ST6GALNAC5: variants seen among roughly 807,000 people sequenced by gnomAD.
The protein encoded by ST6GALNAC5 is alpha-N-acetylgalactosaminide alpha-2,6-sialyltransferase 5.
A neutral mutation model predicts 33.6 loss-of-function variants in ST6GALNAC5; 27 were observed. That is an observed-to-expected ratio of 0.80 (90% confidence interval 0.59 to 1.11). ST6GALNAC5 has a LOEUF of 1.11. Among genes scored for constraint, ST6GALNAC5 ranks in the 50% least tolerant of loss-of-function variants. The pLI, the probability that ST6GALNAC5 is intolerant of heterozygous loss-of-function variation, is 0.00. For missense variants in ST6GALNAC5, 428 were observed against 454.0 expected (o/e 0.94, Z 0.52); for synonymous variants, 194 against 171.2 (o/e 1.13, Z -1.04).
At chr1:76,965,964 A>G (rs1044504279) in intron 2 of ST6GALNAC5, among the ~76,000 whole-genome samples, 1 of 152,124 alleles carries the variant, frequency 6.6e-6, no homozygotes, top group Non-Finnish European at 1.5e-5. Flanking sequence ...CCATTGGTCT[A>G]TATATCTGTT....
At chr1:76,945,296 T>A (rs1247560466) in intron 2 of ST6GALNAC5, among the ~76,000 whole-genome samples, 4 of 148,968 alleles carry the variant, frequency 2.7e-5, no homozygotes, top group African/African-American at 9.8e-5. Flanking sequence ...TTAAAAAGGC[T>A]GTGTCAAAAT....
chr1:76,944,102 C>T (rs74416057), intron 2 of ST6GALNAC5, among the ~76,000 whole-genome samples: 2,818 of 152,024 alleles, frequency 0.019, 89 homozygotes, highest in African/African-American at 0.064. Context: ...CAAGGTTGCC[C>T]AATGCAATAG....
intron 4 of ST6GALNAC5, among the ~76,000 whole-genome samples, chr1:77,052,462 G>A (rs1351816498): frequency 2.0e-5 from 3 of 152,136 alleles, no homozygotes; most frequent in Non-Finnish European, 2.9e-5. Context: ...GAACAAGCAG[G>A]TCATGGTGAG....
intron 2 of ST6GALNAC5, among the ~76,000 whole-genome samples, chr1:76,901,848 A>G (rs1199058767): frequency 2.6e-5 from 4 of 152,342 alleles, no homozygotes; most frequent in Middle Eastern, 3.4e-3. Context: ...TTCATCAGAT[A>G]GCCATATAAA....
At chr1:76,923,650 A>T (rs915228268) in intron 2 of ST6GALNAC5, among the ~76,000 whole-genome samples, 14 of 151,970 alleles carry the variant, frequency 9.2e-5, no homozygotes, top group African/African-American at 3.4e-4. Flanking sequence ...CTGAGATTAC[A>T]CCGCTGCACT....
At chr1:76,900,689 A>T (rs1646809341) in intron 2 of ST6GALNAC5, among the ~76,000 whole-genome samples, 1 of 152,218 alleles carries the variant, frequency 6.6e-6, no homozygotes, top group Non-Finnish European at 1.5e-5. Context: ...GAACAAACAT[A>T]AAAATCATTA....
At chr1:76,979,028 A>C (rs1313084574) in intron 2 of ST6GALNAC5, among the ~76,000 whole-genome samples, 1 of 152,160 alleles carries the variant, frequency 6.6e-6, no homozygotes, top group Non-Finnish European at 1.5e-5. Context: ...CATTTGCAAT[A>C]GCTAAAGAAA....
chr1:77,030,708 T>C (rs1338667965), intron 2 of ST6GALNAC5, among the ~76,000 whole-genome samples: 1 of 152,176 alleles, frequency 6.6e-6, no homozygotes, highest in East Asian at 1.9e-4. Flanking sequence ...CTAATATAAA[T>C]GGATGAAGCC....
intron 2 of ST6GALNAC5, among the ~76,000 whole-genome samples, chr1:77,010,251 T>C (rs1208101840): frequency 2.6e-5 from 4 of 152,106 alleles, no homozygotes; most frequent in African/African-American, 7.2e-5. Context: ...TCCCAGCACA[T>C]TGGGAGGCCG....
intron 4 of ST6GALNAC5, chr1:77,060,256 T>C (rs903378877): frequency 7.9e-5 from 12 of 152,200 alleles, no homozygotes; most frequent in African/African-American, 2.9e-4. Flanking sequence ...TTCCTTCAGC[T>C]CACGGGGCCC....
At chr1:76,939,120 G>A (rs1016677412) in intron 2 of ST6GALNAC5, among the ~76,000 whole-genome samples, 3 of 151,928 alleles carry the variant, frequency 2.0e-5, no homozygotes, top group African/African-American at 7.2e-5. Flanking sequence ...TTTCATCTCA[G>A]GGACACTGTC....
At chr1:76,894,336 T>G (rs968645338) in intron 2 of ST6GALNAC5, among the ~76,000 whole-genome samples, 1 of 152,156 alleles carries the variant, frequency 6.6e-6, no homozygotes, top group African/African-American at 2.4e-5. Context: ...GTACGGCATG[T>G]ACACCGCACA....
At position 77,066,466 on chromosome 1, in the gene ST6GALNAC5, C is replaced by T. The variant is rs1431614376; in HGVS notation, c.*3260C>T. 3.3e-5 allele frequency among the ~76,000 whole-genome samples: 5 copies of T among 151,996 alleles called. No homozygotes were observed. Among genetic ancestry groups the T allele is most frequent in the Admixed American group, 6.6e-5 (1 of 15,264 alleles). On this transcript the variant is annotated 3_prime_UTR_variant, in exon 5 of 5. Coordinates refer to ENST00000477717, the MANE Select transcript of ST6GALNAC5 (RefSeq NM_030965.3). ...AACTCCCCTCAAAAATTAAAATTAC[C>T]GACTTAGAAGATGATAAATGCTAAG...
Position 76,867,563 on chromosome 1 carries a change from G to A in ST6GALNAC5, c.-113G>A. ...CGCGCGCGATCTGCCGCGGCCGGCT[G>A]CTGGGCAAAAATCAGAGCCGCCTCC... On this transcript the variant is annotated 5_prime_UTR_variant, in exon 1 of 5. Coordinates refer to ENST00000477717, the MANE Select transcript of ST6GALNAC5 (RefSeq NM_030965.3). 6.4e-7 allele frequency: 1 copy of A among 1,572,946 alleles called. No individual in the cohort carries two copies. Among genetic ancestry groups the A allele is most frequent in the Non-Finnish European group, 8.7e-7 (1 of 1,144,144 alleles).
intron 2 of ST6GALNAC5, among the ~76,000 whole-genome samples, chr1:76,965,659 G>A (rs1161866075): frequency 6.6e-6 from 1 of 152,142 alleles, no homozygotes; most frequent in African/African-American, 2.4e-5. Context: ...TGCTTTTGAT[G>A]TTTTAGTCAT....
rs544774608 is a variant in ST6GALNAC5 at position 77,040,366 on chromosome 1, A to G, written c.262-3838A>G. On this transcript the variant is annotated intron_variant, in intron 2 of 4. Coordinates refer to ENST00000477717, the MANE Select transcript of ST6GALNAC5 (RefSeq NM_030965.3). ...ATTGTTTGATGCATCTGCACAACTC[A>G]AAGAACGAGTGTTAGTGTCTGACAT... Among the ~76,000 whole-genome samples, 165 of 152,360 alleles carry G rather than the reference A, an allele frequency of 1.1e-3. 1 individual carries two copies. In the South Asian group the frequency reaches 0.014, roughly 13 times the overall value.
intron 2 of ST6GALNAC5, among the ~76,000 whole-genome samples, chr1:76,932,839 G>T (rs775419904): frequency 4.6e-5 from 7 of 152,064 alleles, no homozygotes; most frequent in Non-Finnish European, 1.0e-4. Flanking sequence ...TAGTTCTTCA[G>T]ATTGGAAATA....
In ST6GALNAC5 at chr1:76,968,979, G is replaced by A. The variant is rs947977771; in HGVS notation, c.262-75225G>A. ...TACACTGATGGTCTTCCCTTTGTGC[G>A]TTACCCAACTTTTCTCTCTGGTTGC... On this transcript the variant is annotated intron_variant, in intron 2 of 4. Coordinates refer to ENST00000477717, the MANE Select transcript of ST6GALNAC5 (RefSeq NM_030965.3). Among the ~76,000 whole-genome samples the A allele has an allele frequency of 2.0e-4, 31 of 152,148 alleles. 1 individual carries two copies. Among genetic ancestry groups the A allele is most frequent in the South Asian group, 1.9e-3 (9 of 4,822 alleles).
At chr1:76,960,503 G>T (rs1648190759) in intron 2 of ST6GALNAC5, among the ~76,000 whole-genome samples, 1 of 152,142 alleles carries the variant, frequency 6.6e-6, no homozygotes, top group Non-Finnish European at 1.5e-5. Context: ...CTTATCAGGA[G>T]CCAGGGTTTG....
Sources: allele counts gnomAD v4.1 joint callset (sites outside exome capture counted in the v4.1 genomes callset), GRCh38; gene constraint gnomAD v4.1.1; transcripts MANE v1.5; gene names NCBI Gene and HGNC (gene_info 2026-07-23, HGNC 2026-07-21).